Variants in PRICKLE1 observed in about 807,000 individuals in gnomAD.
PRICKLE1 encodes the protein prickle-like protein 1.
PRICKLE1 carries 14 observed loss-of-function variants against 70.2 expected under a neutral mutation model. That is an observed-to-expected ratio of 0.20 (90% confidence interval 0.13 to 0.31). PRICKLE1 has a LOEUF of 0.31. PRICKLE1 is among the 10% of genes least tolerant of loss of function. The probability of loss-of-function intolerance (pLI) is 1.00; values close to 1 mark genes in which losing one functional copy is unlikely to be tolerated. For synonymous variants in PRICKLE1, 357 were observed against 379.9 expected (o/e 0.94, Z 0.70); for missense variants, 821 against 1,026.2 (o/e 0.80, Z 2.73).
intron 1 of PRICKLE1, among the ~76,000 whole-genome samples, chr12:42,526,914 T>G (rs1478504393): frequency 6.6e-6 from 1 of 151,994 alleles, no homozygotes; most frequent in African/African-American, 2.4e-5. Flanking sequence ...AATTACCAGA[T>G]GGAATCAAGA....
Position 42,459,956 on chromosome 12 carries a change from G to A in PRICKLE1, c.2349C>T (p.Ile783=). 2 of 1,614,178 alleles carry A rather than the reference G, an allele frequency of 1.2e-6. No individual in the cohort carries two copies. Among genetic ancestry groups the A allele is most frequent in the Non-Finnish European group, 1.7e-6 (2 of 1,180,040 alleles). Residue 783 remains isoleucine (I), a synonymous_variant, in exon 8 of 8, where the codon ATC becomes ATT. Transcript: ENST00000345127. Reference sequence around the variant, plus strand: ...CAAATCTCTGTGGCCGGGGTTGAGGGATTGGTTGTCCAAGAAAATATCCTT... The same window carrying A: ...CAAATCTCTGTGGCCGGGGTTGAGGAATTGGTTGTCCAAGAAAATATCCTT... The part of the protein sequence containing the change: ...EEEGYFLGQP[I]PQPRPQRFAY...
intron 1 of PRICKLE1, among the ~76,000 whole-genome samples, chr12:42,495,641 T>C (rs1200849782): frequency 6.6e-6 from 1 of 151,926 alleles, no homozygotes; most frequent in Non-Finnish European, 1.5e-5. Context: ...CCAGGCTGGG[T>C]GCAGTGGCAC....
Position 42,464,479 on chromosome 12 carries a change from C to A in PRICKLE1, c.1555G>T (p.Asp519Tyr). The A allele has an allele frequency of 6.2e-7, 1 of 1,614,040 alleles. No homozygotes were observed. The highest frequency in any genetic ancestry group is 8.5e-7 in the Non-Finnish European group (1 of 1,180,018). ...AGGTCTGACAGACACTCCAGGGAAT[C>A]TTCATACCACTGTGTTTCATCATGA... ...YNHDETQWYE[D>Y]SLECLSDLKP... The change falls in exon 7 of 8, where the codon GAT (aspartate) becomes TAT (tyrosine). Residue 519 changes from aspartate (D) to tyrosine (Y), a missense_variant. Physicochemically the swap from Asp to Tyr is radical, Grantham distance 160 (BLOSUM62 -3). Coordinates refer to ENST00000345127, the MANE Select transcript of PRICKLE1 (RefSeq NM_153026.3). This position sits in a 1 kb window ranked among gnomAD's most constrained non-coding sequence, Gnocchi z 4.2.
chr12:42,571,093 G>A (rs1198628738), intron 1 of PRICKLE1, among the ~76,000 whole-genome samples: 1 of 151,934 alleles, frequency 6.6e-6, no homozygotes, highest in East Asian at 1.9e-4. Context: ...AGTTTTCTAG[G>A]CTTTATTACA....
chr12:42,496,005 G>A (rs1459962735), intron 1 of PRICKLE1, among the ~76,000 whole-genome samples: 1 of 152,220 alleles, frequency 6.6e-6, no homozygotes, highest in Admixed American at 6.5e-5. Context: ...AATGGCATCT[G>A]GAGTGGTAAG....
At chr12:42,469,427 G>A (rs1375571591) in intron 4 of PRICKLE1, 23 bp downstream of exon 4, 9 of 1,613,292 alleles carry the variant, frequency 5.6e-6, no homozygotes, top group Admixed American at 3.3e-5. Flanking sequence ...CACAAGCTAC[G>A]CATCAGAGAA....
intron 1 of PRICKLE1, among the ~76,000 whole-genome samples, chr12:42,568,837 C>A (rs1566130580): frequency 6.6e-6 from 1 of 152,160 alleles, no homozygotes; most frequent in Non-Finnish European, 1.5e-5. Context: ...CTTCAACCCT[C>A]TTCTACCCTC....
At chr12:42,477,497 T>C (rs1938611374) in intron 1 of PRICKLE1, among the ~76,000 whole-genome samples, 1 of 16,054 alleles carries the variant, frequency 6.2e-5, no homozygotes, top group Non-Finnish European at 1.2e-4. Flanking sequence ...TATATATATA[T>C]ATATATATAT....
intron 7 of PRICKLE1, among the ~76,000 whole-genome samples, chr12:42,461,701 T>C (rs1363429911): frequency 6.6e-6 from 1 of 152,224 alleles, no homozygotes; most frequent in South Asian, 2.1e-4. Flanking sequence ...AAACAGATAT[T>C]GATCTCTTTT....
At chr12:42,559,642 G>C (rs907982831) in intron 1 of PRICKLE1, among the ~76,000 whole-genome samples, 24 of 120,914 alleles carry the variant, frequency 2.0e-4, no homozygotes, top group Non-Finnish European at 3.4e-4. Flanking sequence ...TTTTTGGGGG[G>C]GGTAGAGATG....
At chr12:42,487,231 G>C (rs932729438) in intron 1 of PRICKLE1, among the ~76,000 whole-genome samples, 11 of 152,120 alleles carry the variant, frequency 7.2e-5, no homozygotes, top group African/African-American at 2.7e-4. Flanking sequence ...ATCCCCGATT[G>C]GTCATTATAC....
At chr12:42,554,882 AT>A (rs57751175) in intron 1 of PRICKLE1, among the ~76,000 whole-genome samples, 17,030 of 144,586 alleles carry the variant, frequency 0.12, 1,043 homozygotes, top group African/African-American at 0.18. Flanking sequence ...ACTAGAACTT[AT>A]TTTTTTTTTT....
intron 1 of PRICKLE1, among the ~76,000 whole-genome samples, chr12:42,503,991 C>CA (rs796474179): frequency 1.1e-4 from 17 of 151,470 alleles, no homozygotes; most frequent in South Asian, 8.4e-4. Flanking sequence ...AGGTCTGTGG[C>CA]AAAAAAACAG....
chr12:42,565,066 T>C (rs1940598717), intron 1 of PRICKLE1, among the ~76,000 whole-genome samples: 1 of 152,218 alleles, frequency 6.6e-6, no homozygotes, highest in African/African-American at 2.4e-5. Context: ...AATTAACAAA[T>C]ATTAGTAGCT....
intron 1 of PRICKLE1, among the ~76,000 whole-genome samples, chr12:42,552,254 G>A (rs1024603120): frequency 2.0e-5 from 3 of 151,938 alleles, no homozygotes; most frequent in Non-Finnish European, 4.4e-5. Context: ...TTTTAGTAGA[G>A]ACAGGGTTTT....
intron 1 of PRICKLE1, among the ~76,000 whole-genome samples, chr12:42,482,445 G>C (rs1303068987): frequency 6.6e-6 from 1 of 152,174 alleles, no homozygotes; most frequent in Admixed American, 6.5e-5. Flanking sequence ...TCTCAAAATC[G>C]TGTTCTCCTC....
chr12:42,575,351 G>A (rs778342516), intron 1 of PRICKLE1, among the ~76,000 whole-genome samples: 1 of 152,110 alleles, frequency 6.6e-6, no homozygotes, highest in Non-Finnish European at 1.5e-5. Flanking sequence ...ATTTACAAAG[G>A]TGGCAATCAG....
At chr12:42,549,214 A>G (rs1485988946) in intron 1 of PRICKLE1, among the ~76,000 whole-genome samples, 1 of 151,990 alleles carries the variant, frequency 6.6e-6, no homozygotes, top group African/African-American at 2.4e-5. Context: ...TTAATGAACA[A>G]TTTGCTACCC....
intron 1 of PRICKLE1, among the ~76,000 whole-genome samples, chr12:42,543,168 C>T (rs758983877): frequency 3.3e-5 from 5 of 152,122 alleles, no homozygotes; most frequent in Admixed American, 6.5e-5. Flanking sequence ...GCCAGCCAGC[C>T]CAAGGTGCTT....
Sources: gnomAD v4.1 joint callset for allele counts (sites outside exome capture counted in the v4.1 genomes callset) on GRCh38, gnomAD v4.1.1 for gene constraint, Gnocchi (gnomAD v3.1) non-coding constraint, MANE v1.5 for transcripts, NCBI Gene and HGNC (gene_info 2026-07-23, HGNC 2026-07-21) for gene names.